The following TLE3 variants were observed in gnomAD, a reference collection of about 807,000 sequenced individuals.
TLE3 encodes TLE family member 3, transcriptional corepressor.
A neutral mutation model predicts 93.0 loss-of-function variants in TLE3; 14 were observed. The ratio of observed to expected loss-of-function variants is 0.15; its 90% CI spans 0.10 to 0.24. The LOEUF is 0.24. Ranked by LOEUF, TLE3 falls within the 10% of genes least tolerant of loss-of-function variation. TLE3 has a pLI of 1.00. For synonymous variants in TLE3, 451 were observed against 425.0 expected (o/e 1.06, Z -0.75); for missense variants, 693 against 1,046.6 (o/e 0.66, Z 4.66).
At position 70,097,775 on chromosome 15, in the gene TLE3, A is replaced by C; in HGVS notation, c.-977T>G. On this transcript the variant is annotated 5_prime_UTR_variant, in exon 1 of 20. Transcript: ENST00000451782. Reference sequence around the variant, plus strand: ...CCCGGCAAACCCCCAAAACACACACACCCAACACACACACACGCGCGCACG... The same window carrying C: ...CCCGGCAAACCCCCAAAACACACACCCCCAACACACACACACGCGCGCACG... The C allele has an allele frequency of 2.6e-6, 1 of 388,850 alleles. No homozygotes were observed. Among genetic ancestry groups the C allele is most frequent in the Non-Finnish European group, 4.5e-6 (1 of 220,852 alleles). The allele number at this position is 388,850 out of a possible 1,614,324, so 24.1% of individuals were successfully genotyped here. A position where few individuals can be genotyped will look rare whatever the true frequency, so the allele number is the denominator to read the frequency against.
At position 70,097,024 on chromosome 15, in the gene TLE3, G is replaced by C. The variant is rs1047703362; in HGVS notation, c.-226C>G. The C allele has an allele frequency of 5.1e-6, 3 of 586,604 alleles. No individual in the cohort carries two copies. Among genetic ancestry groups the C allele is most frequent in the Non-Finnish European group, 8.8e-6 (3 of 341,742 alleles). The allele number at this position is 586,604 out of a possible 1,614,324, so 36.3% of individuals were successfully genotyped here. ...GCGGCAAAGTCGTCGGCGGGCGCCG[G>C]GGCCGGGCGGCGGGCGCGGGCTTTG... On this transcript the variant is annotated 5_prime_UTR_variant, in exon 1 of 20. Transcript: ENST00000451782.
intron 4 of TLE3, among the ~76,000 whole-genome samples, chr15:70,077,042 C>G (rs2057482410): frequency 1.3e-5 from 2 of 152,290 alleles, no homozygotes; most frequent in Admixed American, 6.5e-5. Context: ...TAGGATATAG[C>G]ATTGCCTTGT....
intron 16 of TLE3, 169 bp from the exon 17 acceptor site, chr15:70,053,543 AGTTCCAG>A: frequency 8.6e-6 from 6 of 700,020 alleles, no homozygotes; most frequent in South Asian, 5.4e-5. Flanking sequence ...GCCTCTTTCC[AGTTCCAG>A]GCCTCTTTCC....
At chr15:70,085,782 G>T (rs148714682) in intron 4 of TLE3, among the ~76,000 whole-genome samples, 1 of 152,362 alleles carries the variant, frequency 6.6e-6, no homozygotes, top group Non-Finnish European at 1.5e-5. Flanking sequence ...CTGGCTTCAT[G>T]GAGATCCCCC....
At chr15:70,087,587 G>A (rs117550138) in intron 4 of TLE3, among the ~76,000 whole-genome samples, 2,342 of 152,298 alleles carry the variant, frequency 0.015, 35 homozygotes, top group Middle Eastern at 0.048. Flanking sequence ...GTGATGGAAG[G>A]AACCACCTAA....
intron 13 of TLE3, 119 bp downstream of exon 13, chr15:70,057,340 G>C (rs1353582025): frequency 3.4e-6 from 4 of 1,179,596 alleles, no homozygotes; most frequent in Non-Finnish European, 4.7e-6. Context: ...TCCCACAGGG[G>C]CAGCTGCCTG....
rs747499981 is a variant in TLE3 at position 70,058,618 on chromosome 15, C to A, written c.918+45G>T. On this transcript the variant is annotated intron_variant, in intron 11 of 19. Coordinates refer to ENST00000451782, the MANE Select transcript of TLE3 (RefSeq NM_001105192.3). This position sits in a 1 kb window ranked among gnomAD's most constrained non-coding sequence, Gnocchi z 4.1. ...CAATCGGCACCACCCCAGCTCCAGT[C>A]CCTGCCGCTCCCTTCCCACTCCCTT... 6.5e-7 allele frequency: 1 copy of A among 1,534,464 alleles called. No individual in the cohort carries two copies. Among genetic ancestry groups the A allele is most frequent in the South Asian group, 1.2e-5 (1 of 81,102 alleles).
intron 6 of TLE3, among the ~76,000 whole-genome samples, chr15:70,070,586 A>T (rs1312851165): frequency 6.6e-6 from 1 of 152,202 alleles, no homozygotes; most frequent in Non-Finnish European, 1.5e-5. Flanking sequence ...ATAGCTCCAC[A>T]CGCATTGAGC....
Position 70,055,024 on chromosome 15 carries a change from G to A in TLE3, c.1578+25C>T, listed in dbSNP as rs923932115. The stretch of plus-strand genomic sequence containing the variant: ...CCATCCTCCTACACCAGCTGGAGGC[G>A]GCGCAGCAGCCCTGGGATTCTCACC... On this transcript the variant is annotated intron_variant, in intron 15 of 19. Coordinates refer to ENST00000451782, the MANE Select transcript of TLE3 (RefSeq NM_001105192.3). 22 of 1,578,004 alleles carry A rather than the reference G, an allele frequency of 1.4e-5. No individual in the cohort carries two copies. The Admixed American group carries it at 2.4e-4, about 17-fold the overall frequency.
rs2055255643 is a variant in TLE3, at chr15:70,048,558, T to C, written c.*1539A>G. On this transcript the variant is annotated 3_prime_UTR_variant, in exon 20 of 20. Coordinates refer to ENST00000451782, the MANE Select transcript of TLE3 (RefSeq NM_001105192.3). ...TAAAAATGCAGTATAAAAATTATCT[T>C]CGATATGCTACATCCATGGAGAGCC... The C allele has an allele frequency of 6.6e-6, 1 of 151,556 alleles. No individual in the cohort carries two copies. Among genetic ancestry groups the C allele is most frequent in the South Asian group, 2.1e-4 (1 of 4,808 alleles). 9.4% of individuals were successfully genotyped at this position (151,556 alleles called of 1,614,324 possible). A position where few individuals can be genotyped will look rare whatever the true frequency, so the allele number is the denominator to read the frequency against.
intron 4 of TLE3, among the ~76,000 whole-genome samples, chr15:70,077,615 C>T (rs570552147): frequency 6.6e-6 from 1 of 152,300 alleles, no homozygotes; most frequent in Admixed American, 6.5e-5. Context: ...AACTAAAGAG[C>T]CTTATGGGTT....
At chr15:70,074,835 A>C (rs2057362837) in intron 5 of TLE3, among the ~76,000 whole-genome samples, 1 of 152,268 alleles carries the variant, frequency 6.6e-6, no homozygotes, top group Non-Finnish European at 1.5e-5. Context: ...CTTCCTTTTA[A>C]GTTCTAAAAC....
intron 4 of TLE3, among the ~76,000 whole-genome samples, chr15:70,093,137 CCTGT>C (rs745961067): frequency 2.6e-5 from 4 of 152,124 alleles, no homozygotes; most frequent in East Asian, 1.9e-4. Context: ...CGTATAAAGC[CCTGT>C]CTATTATTTC....
At chr15:70,076,041 C>CGGCT (rs1490412690) in intron 5 of TLE3, 55 bp downstream of exon 5, 1 of 1,558,098 alleles carries the variant, frequency 6.4e-7, no homozygotes, top group African/African-American at 1.4e-5. Flanking sequence ...GAGACCCCAC[C>CGGCT]AGCCACTGGG....
chr15:70,056,183 A>C, intron 14 of TLE3, 115 bp downstream of exon 14: 1 of 1,123,798 alleles, frequency 8.9e-7, no homozygotes, highest in Non-Finnish European at 1.3e-6. Flanking sequence ...TTCCAAAGGG[A>C]GGTGCACCAG....
At chr15:70,066,356 C>CAGTGCTTTGCAA in intron 6 of TLE3, 138 bp from the exon 7 acceptor site, 1 of 710,586 alleles carries the variant, frequency 1.4e-6, no homozygotes, top group Non-Finnish European at 2.2e-6. Flanking sequence ...GAAGCACCCC[C>CAGTGCTTTGCAA]AAAACCTTTG....
At chr15:70,086,555 T>A (rs1258100331) in intron 4 of TLE3, among the ~76,000 whole-genome samples, 1 of 152,224 alleles carries the variant, frequency 6.6e-6, no homozygotes, top group Non-Finnish European at 1.5e-5. Flanking sequence ...AAAACACTAG[T>A]GGGAAGAGCT....
At chr15:70,092,811 A>C (rs1247303154) in intron 4 of TLE3, among the ~76,000 whole-genome samples, 1 of 152,228 alleles carries the variant, frequency 6.6e-6, no homozygotes, top group Non-Finnish European at 1.5e-5. Flanking sequence ...TCATTCACAG[A>C]CATGCGGAAC....
chr15:70,096,037 G>C (rs980793229), intron 2 of TLE3, 124 bp downstream of exon 2: 3 of 1,124,838 alleles, frequency 2.7e-6, no homozygotes, highest in Admixed American at 2.8e-5. Context: ...ACAAAAGGCG[G>C]AGGCCCGGGC....
Sources: allele counts gnomAD v4.1 joint callset (sites outside exome capture counted in the v4.1 genomes callset), GRCh38; gene constraint gnomAD v4.1.1; non-coding constraint Gnocchi (gnomAD v3.1); transcripts MANE v1.5; gene names NCBI Gene and HGNC (gene_info 2026-07-23, HGNC 2026-07-21).